The following ASCC3 variants were observed in gnomAD, a reference collection of about 807,000 sequenced individuals.
ASCC3 encodes ASC-1 complex subunit P200.
Under a neutral mutation model 256.3 loss-of-function variants are expected in ASCC3, and 158 were observed. That is an observed-to-expected ratio of 0.62 (90% CI 0.54 to 0.70). The LOEUF is 0.70. ASCC3 is among the 30% of genes least tolerant of loss of function. The pLI is 0.00. For missense variants in ASCC3, 2,259 were observed against 2,626.0 expected, an observed-to-expected ratio of 0.86 and a Z score of 3.05; for synonymous variants, 948 against 883.4, an observed-to-expected ratio of 1.07 and a Z score of -1.30.
intron 2 of ASCC3, 24 bp downstream of exon 2, chr6:100,867,884 C>T: frequency 6.4e-7 from 1 of 1,551,118 alleles, no homozygotes; most frequent in Non-Finnish European, 8.9e-7. Context: ...TAATGTTCAA[C>T]ATTTCTACCT....
chr6:100,867,496 T>C (rs1470682618), intron 2 of ASCC3, among the ~76,000 whole-genome samples: 1 of 152,170 alleles, frequency 6.6e-6, no homozygotes, highest in Non-Finnish European at 1.5e-5. Context: ...AATATTCATA[T>C]TTCTCATAAG....
chr6:100,670,022 C>T (rs1436259215), intron 14 of ASCC3, among the ~76,000 whole-genome samples: 1 of 151,246 alleles, frequency 6.6e-6, no homozygotes, highest in Non-Finnish European at 1.5e-5. Context: ...AAATCATAAA[C>T]AAAAATAAAC....
intron 39 of ASCC3, among the ~76,000 whole-genome samples, chr6:100,514,152 T>TA (rs1773907993): frequency 6.6e-6 from 1 of 152,134 alleles, no homozygotes; most frequent in East Asian, 1.9e-4. Flanking sequence ...TCCAATCCTA[T>TA]AACTTGTCTT....
intron 15 of ASCC3, 34 bp downstream of exon 15, chr6:100,662,311 C>A (rs1203578790): frequency 6.2e-7 from 1 of 1,602,742 alleles, no homozygotes; most frequent in Non-Finnish European, 8.5e-7. Context: ...AAGACACACA[C>A]AAAATCCATT....
At chr6:100,540,771 T>C (rs1032100358) in intron 36 of ASCC3, among the ~76,000 whole-genome samples, 28 of 152,136 alleles carry the variant, frequency 1.8e-4, no homozygotes, top group Non-Finnish European at 2.6e-4. Flanking sequence ...CAATTCAGTT[T>C]GGGGGACCTT....
At chr6:100,599,731 A>C (rs747932954) in intron 34 of ASCC3, among the ~76,000 whole-genome samples, 6 of 152,000 alleles carry the variant, frequency 3.9e-5, no homozygotes, top group Non-Finnish European at 8.8e-5. Flanking sequence ...TTCAGTAAGG[A>C]ACTACAATTT....
At chr6:100,601,658 G>T in intron 34 of ASCC3, 152 bp downstream of exon 34, 1 of 798,064 alleles carries the variant, frequency 1.3e-6, no homozygotes, top group Non-Finnish European at 2.0e-6. Flanking sequence ...TGTGATACCA[G>T]AGATATCATC....
chr6:100,816,479 T>C (rs1770752674), intron 4 of ASCC3, among the ~76,000 whole-genome samples: 1 of 152,148 alleles, frequency 6.6e-6, no homozygotes. Context: ...TGCAGCACTA[T>C]TCACAATAGC....
At chr6:100,587,840 T>C (rs1051098415) in intron 36 of ASCC3, among the ~76,000 whole-genome samples, 5 of 152,180 alleles carry the variant, frequency 3.3e-5, no homozygotes, top group Non-Finnish European at 5.9e-5. Flanking sequence ...GATCAATACC[T>C]TTTCAAAGAG....
At chr6:100,559,883 A>G (rs1393981158) in intron 36 of ASCC3, among the ~76,000 whole-genome samples, 2 of 151,880 alleles carry the variant, frequency 1.3e-5, no homozygotes, top group Non-Finnish European at 2.9e-5. Context: ...TACATTTGTT[A>G]AAAACATCAC....
At chr6:100,626,044 C>G (rs1018900143) in intron 29 of ASCC3, among the ~76,000 whole-genome samples, 7 of 151,926 alleles carry the variant, frequency 4.6e-5, no homozygotes, top group African/African-American at 1.7e-4. Context: ...CTGGTCAACA[C>G]AAACCAGAGT....
At chr6:100,581,782 AG>A (rs1771287397) in intron 36 of ASCC3, among the ~76,000 whole-genome samples, 1 of 151,672 alleles carries the variant, frequency 6.6e-6, no homozygotes, top group Non-Finnish European at 1.5e-5. Flanking sequence ...GAAGGGATCC[AG>A]TTTCAGCTTT....
intron 1 of ASCC3, among the ~76,000 whole-genome samples, chr6:100,877,938 C>A (rs1364480087): frequency 6.6e-6 from 1 of 152,116 alleles, no homozygotes; most frequent in Non-Finnish European, 1.5e-5. Flanking sequence ...GCAACTTTTT[C>A]ACTGGGAGTT....
At chr6:100,531,106 A>T in intron 37 of ASCC3, 1 of 1,124,350 alleles carries the variant, frequency 8.9e-7, no homozygotes, top group Non-Finnish European at 1.3e-6. Context: ...TACAACAGAA[A>T]ATTGCACAAT....
At chr6:100,558,964 T>A (rs1769779291) in intron 36 of ASCC3, among the ~76,000 whole-genome samples, 1 of 152,170 alleles carries the variant, frequency 6.6e-6, no homozygotes, top group Non-Finnish European at 1.5e-5. Context: ...GAGATATACA[T>A]TGAGAATTGA....
chr6:100,660,786 C>T (rs1776153710), intron 16 of ASCC3, among the ~76,000 whole-genome samples: 1 of 151,672 alleles, frequency 6.6e-6, no homozygotes, highest in African/African-American at 2.4e-5. Context: ...TGAACCAAGA[C>T]TTTCCTGATA....
At chr6:100,521,529 A>C (rs1774310886) in intron 37 of ASCC3, among the ~76,000 whole-genome samples, 1 of 152,228 alleles carries the variant, frequency 6.6e-6, no homozygotes, top group South Asian at 2.1e-4. Flanking sequence ...TATGGGTAGA[A>C]GACATGAACA....
chr6:100,664,672 A>G (rs1346316765), intron 14 of ASCC3, among the ~76,000 whole-genome samples: 1 of 152,146 alleles, frequency 6.6e-6, no homozygotes, highest in Non-Finnish European at 1.5e-5. Flanking sequence ...TCATTGCCTC[A>G]GCTTTCATCT....
intron 30 of ASCC3, among the ~76,000 whole-genome samples, chr6:100,611,272 T>C (rs1435657131): frequency 6.6e-6 from 1 of 152,134 alleles, no homozygotes; most frequent in Admixed American, 6.5e-5. Context: ...ACATGGTTTC[T>C]CTGGATGAAT....
Sources: allele counts gnomAD v4.1 joint callset (sites outside exome capture counted in the v4.1 genomes callset), GRCh38; gene constraint gnomAD v4.1.1; transcripts MANE v1.5; gene names NCBI Gene and HGNC (gene_info 2026-07-23, HGNC 2026-07-21).